Variants in SCN2A observed in about 807,000 individuals in gnomAD.
The protein encoded by SCN2A is sodium channel protein type 2 subunit alpha.
A neutral mutation model predicts 188.7 loss-of-function variants in SCN2A; 20 were observed. The ratio of observed to expected loss-of-function variants is 0.11; its 90% CI spans 0.07 to 0.15. The LOEUF is 0.15. SCN2A is among the 10% of genes least tolerant of loss of function. SCN2A has a pLI of 1.00. For synonymous variants in SCN2A, 804 were observed against 833.1 expected (o/e 0.97, Z 0.60); for missense variants, 1,278 against 2,445.0 (o/e 0.52, Z 10.07).
Position 165,389,325 on chromosome 2 carries a change from T to C in SCN2A, c.5519T>C (p.Ile1840Thr). 6.2e-7 allele frequency: 1 copy of C among 1,614,076 alleles called. No individual in the cohort carries two copies. Residue 1840 changes from isoleucine to threonine, a missense_variant, in exon 27 of 27, where the codon ATT becomes ACT. Coordinates refer to ENST00000375437, the MANE Select transcript of SCN2A (RefSeq NM_001040142.2). This position sits in a 1 kb window ranked among gnomAD's most constrained non-coding sequence, Gnocchi z 4.2. ...GCAAAACCCAACAAAGTCCAGCTCA[T>C]TGCCATGGATCTGCCCATGGTGAGT... is the stretch of plus-strand genomic sequence containing the variant. ...LIAKPNKVQL[I>T]AMDLPMVSGD...
chr2:165,327,777 A>T (rs1053115289), intron 13 of SCN2A: 4 of 152,244 alleles, frequency 2.6e-5, no homozygotes, highest in Non-Finnish European at 5.9e-5. Flanking sequence ...TATCAATATT[A>T]GTTGTTTTGT....
intron 20 of SCN2A, 31 bp downstream of exon 20, chr2:165,370,330 A>G (rs750398069): frequency 1.2e-6 from 2 of 1,609,832 alleles, no homozygotes; most frequent in Non-Finnish European, 1.7e-6. Context: ...TGCTTTATTC[A>G]TTGGCATATA....
At chr2:165,264,877 G>A (rs1054920072) in intron 1 of SCN2A, among the ~76,000 whole-genome samples, 1 of 152,008 alleles carries the variant, frequency 6.6e-6, no homozygotes, top group Non-Finnish European at 1.5e-5. Context: ...TCACTGATGG[G>A]CATTTAGGTT....
chr2:165,335,196 A>G (rs1159013187), intron 14 of SCN2A, among the ~76,000 whole-genome samples: 1 of 151,704 alleles, frequency 6.6e-6, no homozygotes, highest in Non-Finnish European at 1.5e-5. Flanking sequence ...TTAATCTACA[A>G]ATTTAACGCT....
At chr2:165,244,513 C>A (rs1356730726) in intron 1 of SCN2A, among the ~76,000 whole-genome samples, 1 of 151,464 alleles carries the variant, frequency 6.6e-6, no homozygotes, top group African/African-American at 2.4e-5. Flanking sequence ...ATGAAAAAAT[C>A]TTATCATGTA....
At chr2:165,339,536 G>A (rs1054301149) in intron 14 of SCN2A, among the ~76,000 whole-genome samples, 4 of 151,812 alleles carry the variant, frequency 2.6e-5, no homozygotes, top group Admixed American at 6.6e-5. Flanking sequence ...AAATAAACGC[G>A]ATATTAAATA....
At chr2:165,250,992 G>T (rs1173037454) in intron 1 of SCN2A, among the ~76,000 whole-genome samples, 2 of 151,998 alleles carry the variant, frequency 1.3e-5, no homozygotes, top group African/African-American at 4.8e-5. Context: ...AACAAAATAT[G>T]ATTTAATATA....
chr2:165,372,233 A>G (rs2105368918), intron 20 of SCN2A: 1 of 152,326 alleles, frequency 6.6e-6, no homozygotes, highest in South Asian at 2.1e-4. Context: ...TATGTAAGAC[A>G]TAATTTTACA....
intron 1 of SCN2A, among the ~76,000 whole-genome samples, chr2:165,284,043 T>TTCTC (rs1246449536): frequency 1.3e-5 from 2 of 149,518 alleles, no homozygotes; most frequent in Admixed American, 6.6e-5. Context: ...TCCTCTCTAG[T>TTCTC]TCTCTCTCTC....
rs796595702 is a variant in SCN2A, at chr2:165,350,460, C to CTTTTTTTTTTTTTTT, written c.2920-3729_2920-3728insTTTTTTTTTTTTTTT. On this transcript the variant is annotated intron_variant, in intron 16 of 26. Transcript: ENST00000375437. ...CTGAGTGAGCTTGCTGAACTGTTTT[C>CTTTTTTTTTTTTTTT]TTTCTTTTTTTTTTTTTTTTTTTTT... Among the ~76,000 whole-genome samples the CTTTTTTTTTTTTTTT allele has an allele frequency of 5.4e-4, 42 of 77,906 alleles. 6 individuals carry two copies. The highest frequency in any genetic ancestry group is 1.6e-3 in the African/African-American group (36 of 23,010). 51.1% of individuals were successfully genotyped at this position (77,906 alleles called of 152,430 possible).
intron 11 of SCN2A, among the ~76,000 whole-genome samples, chr2:165,317,181 T>C (rs561304775): frequency 5.9e-5 from 9 of 152,256 alleles, no homozygotes; most frequent in Non-Finnish European, 1.0e-4. Context: ...TACTTGGGGA[T>C]TAATTCAAAT....
chr2:165,296,107 G>A lies in SCN2A; in HGVS notation c.267+17G>A, dbSNP rs1240522073. 1.2e-6 allele frequency: 2 copies of A among 1,611,492 alleles called. No individual in the cohort carries two copies. Among genetic ancestry groups the A allele is most frequent in the East Asian group, 4.5e-5 (2 of 44,874 alleles). ...AATAAGAAAGTGAGTTCTTAGTCAA[G>A]TTGCCTTCACTGCCTATTTACTAAT... On this transcript the variant is annotated intron_variant, in intron 2 of 26. Transcript: ENST00000375437.
At chr2:165,265,625 A>G (rs1326831261) in intron 1 of SCN2A, among the ~76,000 whole-genome samples, 1 of 148,250 alleles carries the variant, frequency 6.7e-6, no homozygotes, top group African/African-American at 2.5e-5. Context: ...CCCACTATCA[A>G]CCTCCATAGT....
intron 3 of SCN2A, among the ~76,000 whole-genome samples, chr2:165,299,857 A>T (rs186284361): frequency 6.6e-6 from 1 of 152,332 alleles, no homozygotes; most frequent in African/African-American, 2.4e-5. Flanking sequence ...ACCAACAAGG[A>T]GCCATTCATG....
At chr2:165,353,318 C>T (rs957551102) in intron 16 of SCN2A, among the ~76,000 whole-genome samples, 10 of 152,004 alleles carry the variant, frequency 6.6e-5, no homozygotes, top group East Asian at 5.8e-4. Flanking sequence ...GCAATAAATA[C>T]GTTTTTGTCT....
intron 14 of SCN2A, among the ~76,000 whole-genome samples, chr2:165,334,870 T>TACAC (rs143838903): frequency 2.0e-3 from 296 of 148,510 alleles, no homozygotes; most frequent in African/African-American, 6.9e-3. Flanking sequence ...TCCTATAAAA[T>TACAC]ACACACACAC....
intron 16 of SCN2A, among the ~76,000 whole-genome samples, chr2:165,346,415 T>C (rs1345134744): frequency 6.6e-6 from 1 of 152,212 alleles, no homozygotes; most frequent in Non-Finnish European, 1.5e-5. Context: ...CTTTTCATTC[T>C]TTTTTCTCTA....
intron 12 of SCN2A, 136 bp downstream of exon 12, chr2:165,323,636 A>C: frequency 1.2e-6 from 1 of 816,198 alleles, no homozygotes; most frequent in Non-Finnish European, 2.0e-6. Flanking sequence ...TCAAGCTGTT[A>C]ACTGTCTTGT....
intron 1 of SCN2A, among the ~76,000 whole-genome samples, chr2:165,256,632 A>G (rs1694339683): frequency 1.3e-5 from 2 of 152,156 alleles, no homozygotes; most frequent in Admixed American, 6.5e-5. Context: ...GAATTTAACT[A>G]TTTTTACAGG....
Sources: gnomAD v4.1 joint callset for allele counts (sites outside exome capture counted in the v4.1 genomes callset) on GRCh38, gnomAD v4.1.1 for gene constraint, Gnocchi (gnomAD v3.1) non-coding constraint, MANE v1.5 for transcripts, NCBI Gene and HGNC (gene_info 2026-07-23, HGNC 2026-07-21) for gene names.